NUP98: variants seen among roughly 807,000 people sequenced by gnomAD.
NUP98 encodes nucleoporin 98 and 96 precursor, also known as nuclear pore complex protein Nup98-Nup96.
A neutral mutation model predicts 191.9 loss-of-function variants in NUP98; 26 were observed. The ratio of observed to expected loss-of-function variants is 0.14; its 90% CI spans 0.10 to 0.19. The LOEUF (loss-of-function observed/expected upper bound fraction) is 0.19. Ranked by LOEUF, NUP98 falls within the 10% of genes least tolerant of loss-of-function variation. The pLI, the probability that NUP98 is intolerant of heterozygous loss-of-function variation, is 1.00. For synonymous variants in NUP98, 808 were observed against 778.4 expected (o/e 1.04, Z -0.63); for missense variants, 1,941 against 2,178.8 (o/e 0.89, Z 2.17).
At chr11:3,747,391 T>C (rs1474904965) in intron 11 of NUP98, among the ~76,000 whole-genome samples, 2 of 152,190 alleles carry the variant, frequency 1.3e-5, no homozygotes, top group African/African-American at 4.8e-5. Context: ...TATGTAGCCA[T>C]TACTTCAAGG....
chr11:3,697,298 T>C (rs1312006691), intron 25 of NUP98: 1 of 152,166 alleles, frequency 6.6e-6, no homozygotes, highest in South Asian at 2.1e-4. Context: ...AAATGTGTAG[T>C]GACAGTGGAA....
Position 3,702,577 on chromosome 11 carries a change from T to G in NUP98, c.3398A>C (p.Asn1133Thr). ...GRSFRVGWGPNWTLANSGEQL... is the reference protein window; with the variant it reads ...GRSFRVGWGPTWTLANSGEQL... ...TTCTCCACTATTAGCAAGAGTCCAG[T>G]TGGGGCCCCAACCAACACGAAATGA... is the stretch of plus-strand genomic sequence containing the variant. The change falls in exon 23 of 33, where the codon AAC becomes ACC. Residue 1133 changes from asparagine to threonine, a missense_variant. Transcript: ENST00000324932. The G allele has an allele frequency of 1.2e-6, 2 of 1,614,016 alleles. No homozygotes were observed. Among genetic ancestry groups the G allele is most frequent in the South Asian group, 1.1e-5 (1 of 91,074 alleles).
chr11:3,709,925 T>C (rs2078983403), intron 20 of NUP98, among the ~76,000 whole-genome samples: 1 of 143,468 alleles, frequency 7.0e-6, no homozygotes, highest in East Asian at 2.1e-4. Flanking sequence ...TATACATATG[T>C]AACTAACCTG....
chr11:3,714,752 A>AT (rs1342754417), intron 18 of NUP98: 1 of 152,582 alleles, frequency 6.6e-6, no homozygotes, highest in African/African-American at 2.4e-5. Flanking sequence ...AATAACATAT[A>AT]TTTTTTAATT....
At chr11:3,776,431 C>A (rs1003709749) in intron 4 of NUP98, among the ~76,000 whole-genome samples, 3 of 151,096 alleles carry the variant, frequency 2.0e-5, no homozygotes, top group Non-Finnish European at 2.9e-5. Context: ...GATCTCATAT[C>A]CTGAAATTTT....
At position 3,792,178 on chromosome 11, in the gene NUP98, C is replaced by CAAAAAA. The variant is rs61471948; in HGVS notation, c.-29+5216_-29+5221dup. ...CAGGTGACAGAGTGAAACTCCATCTCAAAAAAAAAAAAAAAAAAAAAAAAA... is the reference window on the plus strand; with the variant it reads ...CAGGTGACAGAGTGAAACTCCATCTCAAAAAAAAAAAAAAAAAAAAAAAAAAAAAAA... On this transcript the variant is annotated intron_variant, in intron 1 of 32. Transcript: ENST00000324932. 7.3e-4 allele frequency among the ~76,000 whole-genome samples: 43 copies of CAAAAAA among 58,852 alleles called. 2 individuals carry two copies. The highest frequency in any genetic ancestry group is 9.0e-4 in the Non-Finnish European group (29 of 32,394). The allele number at this position is 58,852 out of a possible 152,430, so 38.6% of individuals were successfully genotyped here. A position where few individuals can be genotyped will look rare whatever the true frequency, so the allele number is the denominator to read the frequency against.
At chr11:3,782,347 T>A (rs1224957510) in intron 1 of NUP98, among the ~76,000 whole-genome samples, 1 of 152,144 alleles carries the variant, frequency 6.6e-6, no homozygotes, top group Non-Finnish European at 1.5e-5. Flanking sequence ...ACAGTAAGGT[T>A]AAACTTCATA....
At chr11:3,764,988 A>C (rs146618610) in intron 8 of NUP98, among the ~76,000 whole-genome samples, 2 of 152,288 alleles carry the variant, frequency 1.3e-5, no homozygotes, top group East Asian at 3.9e-4. Flanking sequence ...TTATCACACC[A>C]CTTACATATC....
chr11:3,741,788 A>AGTG (rs944500580), intron 12 of NUP98, among the ~76,000 whole-genome samples: 5 of 152,226 alleles, frequency 3.3e-5, no homozygotes, highest in African/African-American at 1.2e-4. Flanking sequence ...TAGAGGGCAC[A>AGTG]GGTCACAAGA....
At position 3,779,172 on chromosome 11, in the gene NUP98, A is replaced by G. The variant is rs147797843; in HGVS notation, c.162T>C (p.Asn54=). The change falls in exon 3 of 33, where the codon AAT becomes AAC. Residue 54 remains asparagine, a synonymous_variant. Transcript: ENST00000324932. ...SSNNTGGLFG[N]SQTKPGGLFG... Reference sequence around the variant, plus strand: ...AGCCCCTACCTGGTTTAGTCTGTGAATTTCCAAAGAGGCCTCCAGTATTGT... The same window carrying G: ...AGCCCCTACCTGGTTTAGTCTGTGAGTTTCCAAAGAGGCCTCCAGTATTGT... The G allele has an allele frequency of 4.4e-5, 71 of 1,614,198 alleles. 1 individual carries two copies. In the South Asian group the frequency reaches 5.9e-4, roughly 13 times the overall value.
At chr11:3,754,486 G>T (rs2080887308) in intron 10 of NUP98, among the ~76,000 whole-genome samples, 1 of 152,008 alleles carries the variant, frequency 6.6e-6, no homozygotes, top group Non-Finnish European at 1.5e-5. Flanking sequence ...TGAACCTAAA[G>T]GTCCTTGCTA....
chr11:3,758,010 A>C (rs1443306209), intron 10 of NUP98, among the ~76,000 whole-genome samples: 1 of 151,790 alleles, frequency 6.6e-6, no homozygotes, highest in African/African-American at 2.4e-5. Context: ...TCTCAGGGGA[A>C]GGGAGATGAT....
intron 11 of NUP98, among the ~76,000 whole-genome samples, chr11:3,746,706 A>G (rs2080514291): frequency 6.6e-6 from 1 of 151,746 alleles, no homozygotes; most frequent in Admixed American, 6.6e-5. Flanking sequence ...TGAGGTCAGG[A>G]GTTCGAGACC....
intron 10 of NUP98, among the ~76,000 whole-genome samples, chr11:3,754,150 C>T (rs1589884551): frequency 6.6e-6 from 1 of 152,072 alleles, no homozygotes; most frequent in Non-Finnish European, 1.5e-5. Flanking sequence ...AACAACTGGC[C>T]AGGTGTGGTG....
At chr11:3,684,766 C>CAAAAAAAAAAAAAAAAAAA (rs71041370) in intron 29 of NUP98, among the ~76,000 whole-genome samples, 1 of 101,800 alleles carries the variant, frequency 9.8e-6, no homozygotes, top group African/African-American at 3.9e-5. Flanking sequence ...TTTCACAGGC[C>CAAAAAAAAAAAAAAAAAAA]AAAAAAAAAA....
chr11:3,756,433 T>C (rs141978031), intron 10 of NUP98, among the ~76,000 whole-genome samples: 60 of 152,200 alleles, frequency 3.9e-4, no homozygotes, highest in African/African-American at 1.4e-3. Flanking sequence ...TCACTGAAGA[T>C]GACTGTAAAT....
chr11:3,699,163 T>C lies in NUP98; in HGVS notation c.3928A>G (p.Lys1310Glu). The C allele has an allele frequency of 6.2e-7, 1 of 1,614,060 alleles. No homozygotes were observed. Among genetic ancestry groups the C allele is most frequent in the Non-Finnish European group, 8.5e-7 (1 of 1,180,022 alleles). ...QIEEEVSLTQKNSPVEAVFSY... is the reference protein window; with the variant it reads ...QIEEEVSLTQENSPVEAVFSY... Reference sequence around the variant, plus strand: ...AATACAGCCTCCACAGGGCTGTTTTTTTGGGTTAAGGAGACTTCCTCTTCA... The same window carrying C: ...AATACAGCCTCCACAGGGCTGTTTTCTTGGGTTAAGGAGACTTCCTCTTCA... Residue 1310 changes from lysine to glutamate, a missense_variant, in exon 25 of 33, where the codon AAA becomes GAA. By Grantham distance (56) the Lys-to-Glu change is moderately conservative. Transcript: ENST00000324932.
At chr11:3,701,052 A>G (rs1168504219) in intron 23 of NUP98, among the ~76,000 whole-genome samples, 1 of 152,206 alleles carries the variant, frequency 6.6e-6, no homozygotes, top group African/African-American at 2.4e-5. Context: ...TTCAGAACAC[A>G]AAGGCTTCTT....
chr11:3,675,024 T>TA lies in NUP98; in HGVS notation c.*1134dup, dbSNP rs1210299387. 5.9e-6 allele frequency: 1 copy of TA among 170,404 alleles called. No homozygotes were observed. The highest frequency in any genetic ancestry group is 2.4e-5 in the African/African-American group (1 of 42,004). 10.6% of individuals were successfully genotyped at this position (170,404 alleles called of 1,614,324 possible). On this transcript the variant is annotated 3_prime_UTR_variant, in exon 33 of 33. Transcript: ENST00000324932. ...GGGAAAGCCAATACCAGGAATGCTA[T>TA]AAACATTTTATTTATTTTTTAAGAA...
Sources: gnomAD v4.1 joint callset for allele counts (sites outside exome capture counted in the v4.1 genomes callset) on GRCh38, gnomAD v4.1.1 for gene constraint, MANE v1.5 for transcripts, NCBI Gene and HGNC (gene_info 2026-07-23, HGNC 2026-07-21) for gene names.